RSPO2: variants seen among roughly 807,000 people sequenced by gnomAD.
The protein encoded by RSPO2 is R-spondin-2.
Under a neutral mutation model 30.9 loss-of-function variants are expected in RSPO2, and 14 were observed. The ratio of observed to expected loss-of-function variants is 0.45; its 90% CI spans 0.30 to 0.71. The LOEUF (loss-of-function observed/expected upper bound fraction) is 0.71. Ranked by LOEUF, RSPO2 falls within the 30% of genes least tolerant of loss-of-function variation. The pLI, the probability that RSPO2 is intolerant of heterozygous loss-of-function variation, is 0.08. For missense variants in RSPO2, 264 were observed against 301.9 expected (o/e 0.87, Z 0.93); for synonymous variants, 107 against 96.4 (o/e 1.11, Z -0.64).
intron 5 of RSPO2, among the ~76,000 whole-genome samples, chr8:107,932,359 T>C (rs989020782): frequency 6.6e-6 from 1 of 151,960 alleles, no homozygotes; most frequent in Non-Finnish European, 1.5e-5. Context: ...CTAAAGTGAG[T>C]AGGGAGGTAA....
intron 5 of RSPO2, among the ~76,000 whole-genome samples, chr8:107,943,177 T>C (rs1812953056): frequency 6.6e-6 from 1 of 152,200 alleles, no homozygotes; most frequent in Admixed American, 6.5e-5. Flanking sequence ...TGAAAATACT[T>C]ATTCCCTCTC....
chr8:108,053,742 C>T lies in RSPO2; in HGVS notation c.94+28803G>A, dbSNP rs560828656. 1.2e-4 allele frequency among the ~76,000 whole-genome samples: 19 copies of T among 152,244 alleles called. No homozygotes were observed. In the East Asian group the frequency reaches 3.7e-3, roughly 29 times the overall value. On this transcript the variant is annotated intron_variant, in intron 2 of 5. Transcript: ENST00000276659. The stretch of plus-strand genomic sequence containing the variant: ...AGCCTAAAAAATCTACAAGTTATTA[C>T]AATTCTATACTTTTGGTGTGAAATC...
At chr8:108,077,113 A>G (rs776335593) in intron 2 of RSPO2, among the ~76,000 whole-genome samples, 3 of 152,222 alleles carry the variant, frequency 2.0e-5, no homozygotes, top group South Asian at 2.1e-4. Flanking sequence ...TGAACCTAAA[A>G]GCGCTCTAAA....
At chr8:108,075,064 T>C (rs1300042424) in intron 2 of RSPO2, among the ~76,000 whole-genome samples, 1 of 152,238 alleles carries the variant, frequency 6.6e-6, no homozygotes, top group African/African-American at 2.4e-5. Flanking sequence ...TTAATATGAG[T>C]ATATAGAAGG....
intron 5 of RSPO2, among the ~76,000 whole-genome samples, chr8:107,951,320 G>A (rs1468624427): frequency 6.6e-6 from 1 of 152,024 alleles, no homozygotes; most frequent in African/African-American, 2.4e-5. Flanking sequence ...CCGTAATGCT[G>A]GGATTACAGG....
chr8:107,958,419 T>C (rs1001228147), intron 4 of RSPO2, 151 bp from the exon 5 acceptor site: 5 of 584,984 alleles, frequency 8.5e-6, no homozygotes, highest in African/African-American at 7.5e-5. Context: ...TGAAGACCTA[T>C]ACTCACCTTT....
chr8:108,054,131 T>C (rs1232256622), intron 2 of RSPO2, among the ~76,000 whole-genome samples: 1 of 152,118 alleles, frequency 6.6e-6, no homozygotes, highest in Non-Finnish European at 1.5e-5. Flanking sequence ...TAAACAAGGC[T>C]CTCACCCTTT....
chr8:107,983,356 G>A lies in RSPO2; in HGVS notation c.283+5700C>T. On this transcript the variant is annotated intron_variant, in intron 3 of 5. Transcript: ENST00000276659. ...AGAGAGATGGAAAAGGGCCCAGGGT[G>A]AAGCAAGATTGAAAGCCCAGCAGAA... The A allele has an allele frequency of 1.9e-6, 3 of 1,610,020 alleles. No homozygotes were observed. In the South Asian group the frequency reaches 3.3e-5, roughly 18 times the overall value.
At chr8:107,951,576 T>A (rs1423036489) in intron 5 of RSPO2, among the ~76,000 whole-genome samples, 5 of 152,142 alleles carry the variant, frequency 3.3e-5, no homozygotes, top group Non-Finnish European at 5.9e-5. Flanking sequence ...GGGTCTTCAG[T>A]GGCATATGTA....
At chr8:108,067,361 T>C (rs1294731001) in intron 2 of RSPO2, among the ~76,000 whole-genome samples, 3 of 152,100 alleles carry the variant, frequency 2.0e-5, no homozygotes, top group African/African-American at 7.2e-5. Flanking sequence ...GGAAAGAAAA[T>C]CTCTATTTGT....
intron 5 of RSPO2, among the ~76,000 whole-genome samples, chr8:107,917,431 G>C (rs1812017308): frequency 1.3e-5 from 2 of 152,122 alleles, no homozygotes; most frequent in African/African-American, 4.8e-5. Context: ...GCTGCAGTAA[G>C]CCAAGATCAC....
chr8:107,902,372 C>T (rs186777361), intron 5 of RSPO2, among the ~76,000 whole-genome samples: 130 of 152,240 alleles, frequency 8.5e-4, no homozygotes, highest in Middle Eastern at 3.4e-3. Context: ...GCACAGTAAT[C>T]AGTACTACGA....
chr8:107,935,116 C>G (rs936698686), intron 5 of RSPO2, among the ~76,000 whole-genome samples: 5 of 152,136 alleles, frequency 3.3e-5, no homozygotes, highest in African/African-American at 1.2e-4. Context: ...AATAGTATTT[C>G]TCTTCTTACA....
At chr8:108,026,633 G>A (rs556956263) in intron 2 of RSPO2, among the ~76,000 whole-genome samples, 14 of 152,204 alleles carry the variant, frequency 9.2e-5, no homozygotes, top group African/African-American at 3.1e-4. Context: ...TTGGGAGGCC[G>A]AGGCAGGTGG....
Position 107,939,026 on chromosome 8 carries a change from G to A in RSPO2, c.616+19054C>T, listed in dbSNP as rs993309464. The stretch of plus-strand genomic sequence containing the variant: ...ACATTTTGAACATCCCTCCAAGAGC[G>A]AAGCCAGGTGTCAGGAGAGCCTGAA... On this transcript the variant is annotated intron_variant, in intron 5 of 5. Transcript: ENST00000276659. Among the ~76,000 whole-genome samples, 9 of 152,124 alleles carry A rather than the reference G, an allele frequency of 5.9e-5. 1 individual carries two copies. The highest frequency in any genetic ancestry group is 3.3e-4 in the Admixed American group (5 of 15,270).
chr8:108,068,303 T>C (rs1320080825), intron 2 of RSPO2, among the ~76,000 whole-genome samples: 2 of 152,166 alleles, frequency 1.3e-5, no homozygotes, highest in African/African-American at 4.8e-5. Context: ...TCTAAAGCAT[T>C]CCCACCCTCA....
At position 107,983,203 on chromosome 8, in the gene RSPO2, G is replaced by A. The variant is rs192311846; in HGVS notation, c.283+5853C>T. 26 of 1,570,690 alleles carry A rather than the reference G, an allele frequency of 1.7e-5. No homozygotes were observed. In the African/African-American group the frequency reaches 3.4e-4, roughly 21 times the overall value. ...ATTAGCTGTAGGCAAATACGAAGAG[G>A]CTATTTCTTGTCACAAAAAGGCTGC... is the stretch of plus-strand genomic sequence containing the variant. On this transcript the variant is annotated intron_variant, in intron 3 of 5. Transcript: ENST00000276659.
intron 5 of RSPO2, among the ~76,000 whole-genome samples, chr8:107,925,162 G>C (rs1164124181): frequency 2.0e-5 from 3 of 151,776 alleles, no homozygotes; most frequent in Non-Finnish European, 4.4e-5. Flanking sequence ...AGGTTGAGAG[G>C]GGATGTCAGG....
intron 3 of RSPO2, among the ~76,000 whole-genome samples, chr8:107,977,599 G>C (rs146086481): frequency 1.3e-5 from 2 of 152,254 alleles, no homozygotes; most frequent in African/African-American, 4.8e-5. Context: ...AAGTTTGGGG[G>C]AGTGGGTCTG....
Sources: gnomAD v4.1 joint callset for allele counts (sites outside exome capture counted in the v4.1 genomes callset) on GRCh38, gnomAD v4.1.1 for gene constraint, MANE v1.5 for transcripts, NCBI Gene and HGNC (gene_info 2026-07-23, HGNC 2026-07-21) for gene names.